The following PCDH15 variants were observed in gnomAD, a reference collection of about 807,000 sequenced individuals.
PCDH15 encodes the protein protocadherin-15.
In PCDH15, 129 loss-of-function variants were observed where a neutral mutation model predicts 178.5. That is an observed-to-expected ratio of 0.72 (90% CI 0.63 to 0.84). The LOEUF is 0.84. Among genes scored for constraint, PCDH15 ranks in the 40% least tolerant of loss-of-function variants. The probability of loss-of-function intolerance (pLI) is 0.00; values close to 1 mark genes in which losing one functional copy is unlikely to be tolerated. For synonymous variants in PCDH15, 800 were observed against 732.0 expected, an observed-to-expected ratio of 1.09 and a Z score of -1.50; for missense variants, 2,230 against 2,099.9, an observed-to-expected ratio of 1.06 and a Z score of -1.21.
intron 2 of PCDH15, chr10:55,597,202 T>C (rs1033730121): frequency 1.3e-5 from 2 of 152,190 alleles, no homozygotes; most frequent in Non-Finnish European, 2.9e-5. Flanking sequence ...AAGGTGCTAA[T>C]TCATTCATGC....
At chr10:55,432,052 A>G (rs16907428) in intron 2 of PCDH15, among the ~76,000 whole-genome samples, 56,908 of 151,650 alleles carry the variant, frequency 0.38, 11,691 homozygotes, top group African/African-American at 0.55. Context: ...AGAAAGCAAG[A>G]GTAATTGGGA....
At chr10:54,630,023 C>A (rs1170131989) in intron 2 of PCDH15, among the ~76,000 whole-genome samples, 1 of 152,010 alleles carries the variant, frequency 6.6e-6, no homozygotes, top group Non-Finnish European at 1.5e-5. Context: ...AGGAATGCAT[C>A]CAACAAAGGA....
chr10:55,491,974 AATC>A (rs1418757951), intron 2 of PCDH15, among the ~76,000 whole-genome samples: 2 of 151,670 alleles, frequency 1.3e-5, no homozygotes, highest in African/African-American at 4.8e-5. Context: ...CATACAAAAA[AATC>A]ATCAATAGAG....
chr10:54,405,425 A>T (rs1246811890), intron 3 of PCDH15, among the ~76,000 whole-genome samples: 1 of 152,054 alleles, frequency 6.6e-6, no homozygotes, highest in Non-Finnish European at 1.5e-5. Context: ...TGGCAAACAA[A>T]TGCAGGAACA....
intron 2 of PCDH15, among the ~76,000 whole-genome samples, chr10:55,625,716 G>A (rs1837512159): frequency 1.3e-5 from 2 of 152,102 alleles, no homozygotes; most frequent in African/African-American, 4.8e-5. Flanking sequence ...AGATAAACCT[G>A]CTCATGCAGA....
At chr10:54,184,814 A>G (rs2048341446) in intron 12 of PCDH15, among the ~76,000 whole-genome samples, 1 of 152,172 alleles carries the variant, frequency 6.6e-6, no homozygotes, top group Admixed American at 6.6e-5. Context: ...ACAACAAAAA[A>G]GGTTAGGAAA....
chr10:53,960,842 T>C (rs2088223755), intron 22 of PCDH15, among the ~76,000 whole-genome samples: 2 of 152,188 alleles, frequency 1.3e-5, no homozygotes, highest in South Asian at 4.1e-4. Flanking sequence ...TTCCCTACTG[T>C]AGAGTCAAAG....
intron 18 of PCDH15, among the ~76,000 whole-genome samples, chr10:54,063,265 T>C (rs1223868063): frequency 6.6e-6 from 1 of 152,208 alleles, no homozygotes; most frequent in East Asian, 1.9e-4. Context: ...TGGTACGTCT[T>C]ATTCATTGTA....
At chr10:55,607,748 T>A (rs1843258405) in intron 2 of PCDH15, among the ~76,000 whole-genome samples, 1 of 92,246 alleles carries the variant, frequency 1.1e-5, no homozygotes, top group Admixed American at 1.6e-4. Context: ...GGGACTGTTG[T>A]GGGGTGGGGG....
chr10:55,603,610 A>G (rs1222737543), intron 2 of PCDH15, among the ~76,000 whole-genome samples: 16 of 151,654 alleles, frequency 1.1e-4, no homozygotes, highest in Middle Eastern at 3.4e-3. Flanking sequence ...AAAGAAAAGA[A>G]TTTTCAACCC....
chr10:54,720,200 A>G (rs1941348364), intron 1 of PCDH15, among the ~76,000 whole-genome samples: 1 of 152,110 alleles, frequency 6.6e-6, no homozygotes, highest in South Asian at 2.1e-4. Flanking sequence ...CTGGGTATAT[A>G]CCCAAAGGAA....
chr10:54,175,435 GT>G (rs2047343034), intron 13 of PCDH15, among the ~76,000 whole-genome samples: 1 of 152,136 alleles, frequency 6.6e-6, no homozygotes, highest in Non-Finnish European at 1.5e-5. Flanking sequence ...TACAGATAAG[GT>G]AGCAACAAAT....
chr10:55,016,213 G>A lies in PCDH15; in HGVS notation c.-79-118713C>T, dbSNP rs543299889. Among the ~76,000 whole-genome samples the A allele has an allele frequency of 2.6e-4, 40 of 151,424 alleles. No homozygotes were observed. In the South Asian group the frequency reaches 4.4e-3, roughly 17 times the overall value. On this transcript the variant is annotated intron_variant, in intron 2 of 5. Coordinates refer to the PCDH15 transcript ENST00000458638. Reference sequence around the variant, plus strand: ...GCGTAATAATCACATCAGGGTAAATGTATTTAGCACCTCAAGCCCTTATCT... The same window carrying A: ...GCGTAATAATCACATCAGGGTAAATATATTTAGCACCTCAAGCCCTTATCT...
Position 53,959,761 on chromosome 10 carries a change from C to T in PCDH15, c.3093G>A (p.Glu1031=). 2 of 1,613,760 alleles carry T rather than the reference C, an allele frequency of 1.2e-6. No homozygotes were observed. The highest frequency in any genetic ancestry group is 1.7e-6 in the Non-Finnish European group (2 of 1,179,742). Reference sequence around the variant, plus strand: ...ATTCCTCCTGTGTGAAGCGTGGGATCTCACCAGGATGTAAGACAAGAATCT... The same window carrying T: ...ATTCCTCCTGTGTGAAGCGTGGGATTTCACCAGGATGTAAGACAAGAATCT... ...TVKILVLHPG[E]IPRFTQEEYR... The change falls in exon 23 of 38, where the codon GAG becomes GAA. Residue 1031 remains glutamate (E), a synonymous_variant. Coordinates refer to ENST00000644397, the MANE Select transcript of PCDH15 (RefSeq NM_001384140.1).
chr10:54,051,864 C>A (rs1424206234), intron 18 of PCDH15, among the ~76,000 whole-genome samples: 1 of 152,086 alleles, frequency 6.6e-6, no homozygotes, highest in African/African-American at 2.4e-5. Context: ...CACTATGCAG[C>A]CTCAGTACAT....
chr10:54,794,633 A>C (rs2133605339), intron 1 of PCDH15, among the ~76,000 whole-genome samples: 1 of 151,994 alleles, frequency 6.6e-6, no homozygotes, highest in African/African-American at 2.4e-5. Flanking sequence ...ACACACATTC[A>C]GAAGTAAAAT....
chr10:54,966,826 G>A (rs971729313), intron 2 of PCDH15, among the ~76,000 whole-genome samples: 1 of 152,100 alleles, frequency 6.6e-6, no homozygotes, highest in Non-Finnish European at 1.5e-5. Flanking sequence ...ACGTGGAACT[G>A]TGAGTCCATG....
intron 20 of PCDH15, among the ~76,000 whole-genome samples, chr10:53,995,993 A>G (rs1006180957): frequency 2.0e-5 from 3 of 152,142 alleles, no homozygotes; most frequent in Non-Finnish European, 4.4e-5. Flanking sequence ...CACTGGAATA[A>G]AGTCTTTCAC....
intron 3 of PCDH15, among the ~76,000 whole-genome samples, chr10:54,514,681 AAAC>A (rs2082035917): frequency 1.3e-5 from 2 of 151,886 alleles, no homozygotes; most frequent in South Asian, 2.1e-4. Context: ...AAAAAAAAAA[AAAC>A]AGTTTTAACT....
Sources: gnomAD v4.1 joint callset for allele counts (sites outside exome capture counted in the v4.1 genomes callset) on GRCh38, gnomAD v4.1.1 for gene constraint, MANE v1.5 for transcripts, NCBI Gene and HGNC (gene_info 2026-07-23, HGNC 2026-07-21) for gene names.